Variants in ATP13A2 observed in about 807,000 individuals in gnomAD.
ATP13A2 encodes the protein polyamine-transporting ATPase 13A2.
ATP13A2 carries 83 observed loss-of-function variants against 138.3 expected under a neutral mutation model. That is an observed-to-expected ratio of 0.60 (90% CI 0.50 to 0.72). The LOEUF is 0.72. Among genes scored for constraint, ATP13A2 ranks in the 30% least tolerant of loss-of-function variants. The pLI, the probability that ATP13A2 is intolerant of heterozygous loss-of-function variation, is 0.00. For synonymous variants in ATP13A2, 663 were observed against 699.0 expected, an observed-to-expected ratio of 0.95 and a Z score of 0.81; for missense variants, 1,402 against 1,606.4, an observed-to-expected ratio of 0.87 and a Z score of 2.17.
intron 21 of ATP13A2, 37 bp from the exon 22 acceptor site, chr1:16,990,040 C>A (rs765011219): frequency 6.2e-7 from 1 of 1,613,284 alleles, no homozygotes; most frequent in East Asian, 2.2e-5. Context: ...CTCCCCCTGC[C>A]CACCCTGGAG....
chr1:16,996,760 T>C (rs1406214202), intron 12 of ATP13A2: 1 of 625,518 alleles, frequency 1.6e-6, no homozygotes, highest in Admixed American at 2.8e-5. Flanking sequence ...GCCTGCCCGC[T>C]ACATCCCTGC....
chr1:16,995,486 TG>T lies in ATP13A2; in HGVS notation c.1542+489del. ...CCCACCAGTAATTTTTTTTTTTTTT[TG>T]AGTTTTGCTCTGTCACCCAGGCTGG... On this transcript the variant is annotated intron_variant, in intron 15 of 28. Coordinates refer to ENST00000326735, the MANE Select transcript of ATP13A2 (RefSeq NM_022089.4). This position sits in a 1 kb window ranked among gnomAD's most constrained non-coding sequence, Gnocchi z 4.1. 4.3e-6 allele frequency: 1 copy of T among 233,258 alleles called. No individual in the cohort carries two copies. Among genetic ancestry groups the T allele is most frequent in the South Asian group, 5.4e-5 (1 of 18,664 alleles). 14.4% of individuals were successfully genotyped at this position (233,258 alleles called of 1,614,324 possible). A position where few individuals can be genotyped will look rare whatever the true frequency, so the allele number is the denominator to read the frequency against.
At chr1:17,005,628 G>C in intron 2 of ATP13A2, 56 bp downstream of exon 2, 1 of 1,613,102 alleles carries the variant, frequency 6.2e-7, no homozygotes, top group East Asian at 2.2e-5. Context: ...GGGTGTCTGG[G>C]TGGGCCTGGG....
chr1:16,989,820 C>A (rs763937012), intron 22 of ATP13A2, 50 bp from the exon 23 acceptor site: 1 of 1,610,248 alleles, frequency 6.2e-7, no homozygotes, highest in East Asian at 2.2e-5. Context: ...CCAGGGAGAG[C>A]GAGCCGTGAG....
Position 17,004,875 on chromosome 1 carries a change from C to T in ATP13A2, c.348-54G>A. ...AGCTCTGGGAGCTGCCCTGGCACCT[C>T]CCTGTGCTCACAGAGCCATCTTCCC... On this transcript the variant is annotated intron_variant, in intron 4 of 28. Transcript: ENST00000326735. This position sits in a 1 kb window ranked among gnomAD's most constrained non-coding sequence, Gnocchi z 4.1. 8 of 1,613,454 alleles carry T rather than the reference C, an allele frequency of 5.0e-6. No homozygotes were observed. The highest frequency in any genetic ancestry group is 6.8e-6 in the Non-Finnish European group (8 of 1,179,996).
rs1234361943 is a variant in ATP13A2 at position 17,005,525 on chromosome 1, C to T, written c.137G>A (p.Arg46Lys). 6.2e-7 allele frequency: 1 copy of T among 1,614,234 alleles called. No homozygotes were observed. Among genetic ancestry groups the T allele is most frequent in the Admixed American group, 1.7e-5 (1 of 60,036 alleles). ...GACCACGACGTGATAGCCGATGACCCTCCATGGACTGCCACAGTAGCCGCT... is the reference window on the plus strand; with the variant it reads ...GACCACGACGTGATAGCCGATGACCTTCCATGGACTGCCACAGTAGCCGCT... ...RLSGYCGSPW[R>K]VIGYHVVVWM... The change falls in exon 3 of 29, where the codon AGG becomes AAG. Residue 46 changes from arginine to lysine, a missense_variant. Coordinates refer to ENST00000326735, the MANE Select transcript of ATP13A2 (RefSeq NM_022089.4).
At position 17,011,579 on chromosome 1, in the gene ATP13A2, G is replaced by A. The variant is rs527890842; in HGVS notation, c.10+150C>T. The A allele has an allele frequency of 3.1e-6, 3 of 978,226 alleles. No homozygotes were observed. The highest frequency in any genetic ancestry group is 2.5e-5 in the South Asian group (1 of 39,638). The allele number at this position is 978,226 out of a possible 1,614,324, so 60.6% of individuals were successfully genotyped here. A position where few individuals can be genotyped will look rare whatever the true frequency, so the allele number is the denominator to read the frequency against. ...GCCGAGTCCCCGTCAAAAGGGAGGG[G>A]ACGGGCCAGGATCCCCAACCAGGTC... is the stretch of plus-strand genomic sequence containing the variant. On this transcript the variant is annotated intron_variant, in intron 1 of 28. Transcript: ENST00000326735. The surrounding 1 kb of genome is among the most constrained non-coding windows in gnomAD (Gnocchi z 7.3).
chr1:17,004,282 C>T lies in ATP13A2; in HGVS notation c.557+50G>A. Reference sequence around the variant, plus strand: ...TGCCATGCCACCGTCTGTGCCCAAACCAGTGCCACTCTGGGAGGTGACATG... The same window carrying T: ...TGCCATGCCACCGTCTGTGCCCAAATCAGTGCCACTCTGGGAGGTGACATG... On this transcript the variant is annotated intron_variant, in intron 6 of 28. Coordinates refer to ENST00000326735, the MANE Select transcript of ATP13A2 (RefSeq NM_022089.4). This position sits in a 1 kb window ranked among gnomAD's most constrained non-coding sequence, Gnocchi z 4.1. 4 of 1,584,130 alleles carry T rather than the reference C, an allele frequency of 2.5e-6. No individual in the cohort carries two copies. The highest frequency in any genetic ancestry group is 3.5e-6 in the Non-Finnish European group (4 of 1,158,952).
intron 1 of ATP13A2, among the ~76,000 whole-genome samples, chr1:17,010,099 C>A (rs1351620046): frequency 6.7e-6 from 1 of 149,408 alleles, no homozygotes; most frequent in Non-Finnish European, 1.5e-5. Context: ...CCCGTTCCCC[C>A]CTTCCCCCCT....
intron 14 of ATP13A2, 34 bp from the exon 15 acceptor site, chr1:16,996,198 C>T (rs774710218): frequency 6.2e-7 from 1 of 1,614,174 alleles, no homozygotes. Flanking sequence ...GAGCACCTGG[C>T]TGGTTGGCCC....
intron 8 of ATP13A2, chr1:17,000,759 T>C (rs1333098429): frequency 3.4e-6 from 2 of 583,540 alleles, no homozygotes; most frequent in South Asian, 2.2e-5. Context: ...CTGGGCAACA[T>C]GGCGAAACCC....
At chr1:17,003,466 G>A (rs1407993760) in intron 6 of ATP13A2, among the ~76,000 whole-genome samples, 1 of 151,828 alleles carries the variant, frequency 6.6e-6, no homozygotes, top group Non-Finnish European at 1.5e-5. Flanking sequence ...GCTGAGGCAG[G>A]AGAATCGCTT....
Position 17,005,015 on chromosome 1 carries a change from T to C in ATP13A2, c.346A>G (p.Ser116Gly). ...QVQTEAIGEG[S>G]LEPSPQSQAE... Reference sequence around the variant, plus strand: ...GAAGGGGCAATGGGGCTGCCTCACCTGCCCTCGCCGATGGCCTCAGTCTGC... The same window carrying C: ...GAAGGGGCAATGGGGCTGCCTCACCCGCCCTCGCCGATGGCCTCAGTCTGC... The change falls in exon 4 of 29, where the codon AGC (serine) becomes GGC (glycine). Residue 116 changes from serine (S) to glycine (G), a missense_variant and splice_region_variant. Coordinates refer to ENST00000326735, the MANE Select transcript of ATP13A2 (RefSeq NM_022089.4). 6.2e-7 allele frequency: 1 copy of C among 1,613,976 alleles called. No homozygotes were observed. Among genetic ancestry groups the C allele is most frequent in the Non-Finnish European group, 8.5e-7 (1 of 1,180,004 alleles).
rs981703612 is a variant in ATP13A2, at chr1:16,991,753, G to A, written c.2232C>T (p.Ile744=). ...TTGTACCTGTCACCATGACGGCGCG[G>A]ATGCGGGTCCTTCGCAGAGCCTGGA... ...PVIQALRRTR[I]RAVMVTGDNL... Residue 744 remains isoleucine, a synonymous_variant, in exon 20 of 29, where the codon ATC becomes ATT. Coordinates refer to ENST00000326735, the MANE Select transcript of ATP13A2 (RefSeq NM_022089.4). 6.2e-7 allele frequency: 1 copy of A among 1,614,182 alleles called. No homozygotes were observed.
chr1:16,991,199 CG>C (rs2076917075), intron 20 of ATP13A2, among the ~76,000 whole-genome samples: 1 of 152,192 alleles, frequency 6.6e-6, no homozygotes, highest in Non-Finnish European at 1.5e-5. Context: ...GATCCGCCCG[CG>C]TCGGCCTCCC....
intron 20 of ATP13A2, among the ~76,000 whole-genome samples, chr1:16,991,216 G>A (rs943372731): frequency 6.6e-6 from 1 of 152,208 alleles, no homozygotes; most frequent in Non-Finnish European, 1.5e-5. Flanking sequence ...CTCCCAAAGT[G>A]CTGGGATTAC....
chr1:16,986,208 C>T lies in ATP13A2; in HGVS notation c.*13G>A, dbSNP rs56004722. On this transcript the variant is annotated 3_prime_UTR_variant, in exon 29 of 29. Transcript: ENST00000326735. The surrounding 1 kb of genome is among the most constrained non-coding windows in gnomAD (Gnocchi z 6.9). The stretch of plus-strand genomic sequence containing the variant: ...CAGGGAGTTCCAGTGTCTGGGGTGC[C>T]CGTGGGCCTGCACTACCTCAGGGGG... The T allele has an allele frequency of 8.1e-6, 13 of 1,612,562 alleles. No homozygotes were observed. The Middle Eastern group carries it at 8.3e-4, about 103-fold the overall frequency.
In ATP13A2 at chr1:16,991,724, G is replaced by A. The variant is rs2076937260; in HGVS notation, c.2251+10C>T. On this transcript the variant is annotated intron_variant, in intron 20 of 28. Coordinates refer to ENST00000326735, the MANE Select transcript of ATP13A2 (RefSeq NM_022089.4). Reference sequence around the variant, plus strand: ...GCCCTGCTAGCCCGGGCCCCTACATGCCATTGTACCTGTCACCATGACGGC... The same window carrying A: ...GCCCTGCTAGCCCGGGCCCCTACATACCATTGTACCTGTCACCATGACGGC... 6.2e-7 allele frequency: 1 copy of A among 1,613,970 alleles called. No homozygotes were observed. The highest frequency in any genetic ancestry group is 1.7e-5 in the Admixed American group (1 of 60,012).
At chr1:17,007,396 AGGCCG>A (rs2077598842) in intron 1 of ATP13A2, among the ~76,000 whole-genome samples, 1 of 152,050 alleles carries the variant, frequency 6.6e-6, no homozygotes, top group South Asian at 2.1e-4. Flanking sequence ...TCAACTCCTC[AGGCCG>A]GGGTAGGGAT....
Sources: gnomAD v4.1 joint callset for allele counts (sites outside exome capture counted in the v4.1 genomes callset) on GRCh38, gnomAD v4.1.1 for gene constraint, Gnocchi (gnomAD v3.1) non-coding constraint, MANE v1.5 for transcripts, NCBI Gene and HGNC (gene_info 2026-07-23, HGNC 2026-07-21) for gene names.